The following PDE4D variants were observed in gnomAD, a reference collection of about 807,000 sequenced individuals.
PDE4D encodes the protein 3',5'-cyclic-AMP phosphodiesterase 4D.
PDE4D carries 24 observed loss-of-function variants against 87.4 expected under a neutral mutation model. The observed-to-expected ratio is 0.27, with a 90% CI of 0.20 to 0.39. The LOEUF (loss-of-function observed/expected upper bound fraction) is 0.39, where lower values mean the gene tolerates loss of function less well. PDE4D is among the 10% of genes least tolerant of loss of function. The pLI is 1.00. For synonymous variants in PDE4D, 384 were observed against 383.2 expected (o/e 1.00, Z -0.02); for missense variants, 714 against 1,041.0 (o/e 0.69, Z 4.32).
intron 5 of PDE4D, among the ~76,000 whole-genome samples, chr5:59,101,711 T>TC (rs1302861386): frequency 7.8e-6 from 1 of 128,796 alleles, no homozygotes; most frequent in Non-Finnish European, 1.6e-5. Context: ...ATAATCAACT[T>TC]TTTTTTTTTT....
At chr5:60,274,511 C>T (rs1751165858) in intron 1 of PDE4D, among the ~76,000 whole-genome samples, 1 of 152,156 alleles carries the variant, frequency 6.6e-6, no homozygotes, top group Admixed American at 6.5e-5. Flanking sequence ...CCGGCATGTG[C>T]CACCACGCCC....
chr5:60,457,286 C>A (rs1263049142), intron 1 of PDE4D, among the ~76,000 whole-genome samples: 1 of 152,106 alleles, frequency 6.6e-6, no homozygotes, highest in Non-Finnish European at 1.5e-5. Context: ...CTTTTTCCCT[C>A]CTGTTTTCTA....
intron 1 of PDE4D, among the ~76,000 whole-genome samples, chr5:60,191,915 G>A (rs560874072): frequency 3.9e-5 from 6 of 152,118 alleles, no homozygotes; most frequent in Non-Finnish European, 7.4e-5. Flanking sequence ...CAGGAGAATC[G>A]CTTGAACTCA....
At chr5:59,694,544 TGAA>T (rs1486479074) in intron 1 of PDE4D, among the ~76,000 whole-genome samples, 1 of 152,166 alleles carries the variant, frequency 6.6e-6, no homozygotes, top group East Asian at 1.9e-4. Flanking sequence ...TTAAAAGAAA[TGAA>T]GAAAAGATGT....
chr5:59,413,457 CAA>C (rs34074485), intron 1 of PDE4D, among the ~76,000 whole-genome samples: 88 of 54,402 alleles, frequency 1.6e-3, no homozygotes, highest in Middle Eastern at 0.012. Flanking sequence ...GACTCCATCT[CAA>C]AAAAAAAAAA....
chr5:59,782,852 A>C lies in PDE4D; in HGVS notation c.455+110316T>G, dbSNP rs17241216. 4.2e-4 allele frequency among the ~76,000 whole-genome samples: 64 copies of C among 152,336 alleles called. No individual in the cohort carries two copies. The East Asian group carries it at 0.012, about 28-fold the overall frequency. On this transcript the variant is annotated intron_variant, in intron 1 of 14. Transcript: ENST00000340635. ...TAAAGACCAGCAATGAAAGACAAGG[A>C]AATGTAAATCCAATTTATGTAATAG...
chr5:60,406,326 G>A (rs1017891680), intron 1 of PDE4D, among the ~76,000 whole-genome samples: 1 of 152,046 alleles, frequency 6.6e-6, no homozygotes, highest in Non-Finnish European at 1.5e-5. Context: ...CTAAAAGGAG[G>A]AACCAGAGAC....
intron 5 of PDE4D, 56 bp from the exon 6 acceptor site, chr5:59,039,027 A>T: frequency 6.5e-7 from 1 of 1,537,676 alleles, no homozygotes; most frequent in Non-Finnish European, 8.8e-7. Flanking sequence ...CGGGTCCGCT[A>T]GCGAGTTCAA....
At chr5:59,215,230 T>C (rs959704485) in intron 2 of PDE4D, among the ~76,000 whole-genome samples, 1 of 151,228 alleles carries the variant, frequency 6.6e-6, no homozygotes, top group African/African-American at 2.4e-5. Context: ...TCTAATGTTT[T>C]CTGTGCTTGC....
chr5:59,880,011 T>C (rs1007761902), intron 1 of PDE4D, among the ~76,000 whole-genome samples: 1 of 152,246 alleles, frequency 6.6e-6, no homozygotes, highest in Non-Finnish European at 1.5e-5. Flanking sequence ...AGTGCTGGCA[T>C]TGCAAGCGTG....
chr5:59,257,695 T>C (rs1389615793), intron 1 of PDE4D, among the ~76,000 whole-genome samples: 2 of 151,970 alleles, frequency 1.3e-5, no homozygotes, highest in African/African-American at 4.8e-5. Context: ...CACTTGCTAC[T>C]TAAAGTCAAA....
At chr5:59,625,238 T>C (rs748377496) in intron 1 of PDE4D, among the ~76,000 whole-genome samples, 1 of 152,160 alleles carries the variant, frequency 6.6e-6, no homozygotes, top group Admixed American at 6.5e-5. Flanking sequence ...GAGATGAAGA[T>C]GACCAATGGG....
chr5:59,594,459 T>C (rs1183482920), intron 1 of PDE4D, among the ~76,000 whole-genome samples: 1 of 151,958 alleles, frequency 6.6e-6, no homozygotes, highest in Non-Finnish European at 1.5e-5. Flanking sequence ...TAGCTAGGAT[T>C]AGAGGTATGT....
chr5:60,262,329 C>T (rs902780351), intron 1 of PDE4D: 3 of 152,086 alleles, frequency 2.0e-5, no homozygotes, highest in African/African-American at 7.2e-5. Context: ...AAAACATGAG[C>T]AAAACACAGC....
chr5:59,322,426 C>T (rs1774879889), intron 1 of PDE4D, among the ~76,000 whole-genome samples: 1 of 152,098 alleles, frequency 6.6e-6, no homozygotes, highest in African/African-American at 2.4e-5. Flanking sequence ...TTTATGGGCT[C>T]ATGTCATCCC....
intron 3 of PDE4D, among the ~76,000 whole-genome samples, chr5:59,928,100 A>G (rs1418233105): frequency 6.6e-6 from 1 of 152,214 alleles, no homozygotes; most frequent in African/African-American, 2.4e-5. Context: ...GTGTTTGGCC[A>G]AAGTAAATAT....
chr5:60,150,315 C>T (rs1168088264), intron 2 of PDE4D, among the ~76,000 whole-genome samples: 1 of 151,774 alleles, frequency 6.6e-6, no homozygotes, highest in Non-Finnish European at 1.5e-5. Flanking sequence ...GGTCTGTTAC[C>T]TCATCAGTTA....
At chr5:59,380,227 T>C (rs889997788) in intron 1 of PDE4D, among the ~76,000 whole-genome samples, 1 of 151,846 alleles carries the variant, frequency 6.6e-6, no homozygotes, top group Non-Finnish European at 1.5e-5. Context: ...TTATAAAAGA[T>C]TGACACAACA....
intron 2 of PDE4D, among the ~76,000 whole-genome samples, chr5:60,070,442 C>T (rs7732249): frequency 0.92 from 140,390 of 152,152 alleles, 64,884 homozygotes; most frequent in African/African-American, 0.98. Flanking sequence ...CCTTTTTCTG[C>T]ATCTTGAGAT....
Sources: allele counts gnomAD v4.1 joint callset (sites outside exome capture counted in the v4.1 genomes callset), GRCh38; gene constraint gnomAD v4.1.1; transcripts MANE v1.5; gene names NCBI Gene and HGNC (gene_info 2026-07-23, HGNC 2026-07-21).